Variants in CCL2 observed in about 807,000 individuals in gnomAD.
CCL2 encodes the protein C-C motif chemokine 2.
Under a neutral mutation model 6.7 loss-of-function variants are expected in CCL2, and 2 were observed. The ratio of observed to expected loss-of-function variants is 0.30; its 90% CI spans 0.12 to 0.94. The LOEUF is 0.94. CCL2 is among the 40% of genes least tolerant of loss of function. The probability of loss-of-function intolerance (pLI) is 0.54; values close to 1 mark genes in which losing one functional copy is unlikely to be tolerated. For missense variants in CCL2, 89 were observed against 119.3 expected, an observed-to-expected ratio of 0.75 and a Z score of 1.18; for synonymous variants, 43 against 45.2, an observed-to-expected ratio of 0.95 and a Z score of 0.19.
intron 2 of CCL2, 53 bp from the exon 3 acceptor site, chr17:34,256,669 C>T: frequency 7.5e-7 from 1 of 1,327,546 alleles, no homozygotes; most frequent in Non-Finnish European, 1.1e-6. Context: ...GGCTGCACTT[C>T]TAGACCAAAA....
chr17:34,257,048 T>C lies in CCL2; in HGVS notation c.*221T>C, dbSNP rs1007705149. The C allele has an allele frequency of 1.2e-5, 5 of 405,384 alleles. No individual in the cohort carries two copies. The highest frequency in any genetic ancestry group is 2.2e-5 in the Non-Finnish European group (5 of 224,334). The allele number at this position is 405,384 out of a possible 1,614,324, so 25.1% of individuals were successfully genotyped here. On this transcript the variant is annotated 3_prime_UTR_variant, in exon 3 of 3. Coordinates refer to ENST00000225831, the MANE Select transcript of CCL2 (RefSeq NM_002982.4). ...GACTTGGGGAAATTGCTTTTCCTCT[T>C]GAACCACAGTTCTACCCCTGGGATG... is the stretch of plus-strand genomic sequence containing the variant.
chr17:34,255,298 T>G lies in CCL2; in HGVS notation c.-52T>G, dbSNP rs779871993. The G allele has an allele frequency of 1.7e-5, 27 of 1,544,284 alleles. No individual in the cohort carries two copies. The highest frequency in any genetic ancestry group is 5.0e-5 in the Admixed American group (3 of 59,552). Reference sequence around the variant, plus strand: ...GCCAGAGGAACCGAGAGGCTGAGACTAACCCAGAAACATCCAATTCTCAAA... The same window carrying G: ...GCCAGAGGAACCGAGAGGCTGAGACGAACCCAGAAACATCCAATTCTCAAA... On this transcript the variant is annotated 5_prime_UTR_variant, in exon 1 of 3. Transcript: ENST00000225831.
At chr17:34,256,179 C>A in intron 1 of CCL2, 43 bp from the exon 2 acceptor site, 1 of 1,296,838 alleles carries the variant, frequency 7.7e-7, no homozygotes. Flanking sequence ...CAGAATAATC[C>A]AGTTCATCCT....
intron 1 of CCL2, chr17:34,255,888 T>C (rs868231838): frequency 7.1e-6 from 2 of 282,188 alleles, no homozygotes; most frequent in South Asian, 6.6e-5. Flanking sequence ...AGGAGGCTCA[T>C]AGTGGGGCTC....
intron 1 of CCL2, 140 bp downstream of exon 1, chr17:34,255,565 T>A: frequency 1.5e-6 from 1 of 672,100 alleles, no homozygotes; most frequent in East Asian, 2.9e-5. Flanking sequence ...GGACAAGGGG[T>A]GAGCCCAACC....
intron 2 of CCL2, 138 bp from the exon 3 acceptor site, chr17:34,256,584 G>A (rs965087353): frequency 2.0e-5 from 13 of 639,878 alleles, no homozygotes; most frequent in African/African-American, 1.8e-4. Context: ...ACCTATAGGA[G>A]CAGTTTGCCC....
At chr17:34,256,696 T>G (rs540196189) in intron 2 of CCL2, 26 bp from the exon 3 acceptor site, 2 of 1,537,448 alleles carry the variant, frequency 1.3e-6, no homozygotes, top group Non-Finnish European at 1.8e-6. Flanking sequence ...AGGAACTTCA[T>G]CTAACTCTGT....
At chr17:34,256,033 A>G in intron 1 of CCL2, 189 bp from the exon 2 acceptor site, 1 of 555,804 alleles carries the variant, frequency 1.8e-6, no homozygotes, top group Non-Finnish European at 3.2e-6. Context: ...TTTACAGCAT[A>G]GGAAACTGAG....
rs1203078816 is a variant in CCL2, at chr17:34,256,872, C to T, written c.*45C>T. ...AGAATCTGCAGCTAACTTATTTTCC[C>T]CTAGCTTTCCCCAGACACCCTGTTT... is the stretch of plus-strand genomic sequence containing the variant. On this transcript the variant is annotated 3_prime_UTR_variant, in exon 3 of 3. Transcript: ENST00000225831. The T allele has an allele frequency of 5.7e-6, 7 of 1,236,712 alleles. No homozygotes were observed. Among genetic ancestry groups the T allele is most frequent in the Non-Finnish European group, 8.3e-6 (7 of 844,078 alleles). The allele number at this position is 1,236,712 out of a possible 1,614,324, so 76.6% of individuals were successfully genotyped here.
intron 2 of CCL2, 156 bp downstream of exon 2, chr17:34,256,495 C>A: frequency 1.6e-6 from 1 of 638,140 alleles, no homozygotes; most frequent in Non-Finnish European, 2.8e-6. Context: ...AAGTGAACCC[C>A]AACATCACTC....
intron 2 of CCL2, 32 bp from the exon 3 acceptor site, chr17:34,256,690 A>G: frequency 6.7e-7 from 1 of 1,481,844 alleles, no homozygotes; most frequent in Non-Finnish European, 9.4e-7. Context: ...CTGCAAAGGA[A>G]CTTCATCTAA....
Position 34,256,291 on chromosome 17 carries a change from C to T in CCL2, c.146C>T (p.Ala49Val), listed in dbSNP as rs148937652. The T allele has an allele frequency of 7.6e-5, 122 of 1,613,932 alleles. No individual in the cohort carries two copies. In the East Asian group the frequency reaches 9.8e-4, roughly 13 times the overall value. Residue 49 changes from alanine to valine, a missense_variant, in exon 2 of 3, where the codon GCG becomes GTG. Physicochemically the swap from Ala to Val is moderately conservative, Grantham distance 64. Coordinates refer to ENST00000225831, the MANE Select transcript of CCL2 (RefSeq NM_002982.4). ...AGGAAGATCTCAGTGCAGAGGCTCG[C>T]GAGCTATAGAAGAATCACCAGCAGC... is the stretch of plus-strand genomic sequence containing the variant. ...TNRKISVQRL[A>V]SYRRITSSKC...
chr17:34,255,338 C>CT lies in CCL2; in HGVS notation c.-11dup, dbSNP rs771283629. On this transcript the variant is annotated 5_prime_UTR_variant, in exon 1 of 3. Transcript: ENST00000225831. ...CAATTCTCAAACTGAAGCTCGCACT[C>CT]TCGCCTCCAGCATGAAAGTCTCTGC... 7 of 1,613,482 alleles carry CT rather than the reference C, an allele frequency of 4.3e-6. No individual in the cohort carries two copies. The Admixed American group carries it at 1.2e-4, about 27-fold the overall frequency.
chr17:34,256,331 A>T lies in CCL2; in HGVS notation c.186A>T (p.Glu62Asp). 7.5e-6 allele frequency: 12 copies of T among 1,610,280 alleles called. No individual in the cohort carries two copies. Among genetic ancestry groups the T allele is most frequent in the South Asian group, 5.5e-5 (5 of 91,010 alleles). Residue 62 changes from glutamate to aspartate, a missense_variant, in exon 2 of 3, where the codon GAA becomes GAT. Transcript: ENST00000225831. ...RRITSSKCPKEAVIFKTIVAK... is the reference protein window; with the variant it reads ...RRITSSKCPKDAVIFKTIVAK... ...TCACCAGCAGCAAGTGTCCCAAAGA[A>T]GCTGTGATGTGAGTTCAGCACACCA...
At position 34,256,312 on chromosome 17, in the gene CCL2, G is replaced by A. The variant is rs1290687095; in HGVS notation, c.167G>A (p.Ser56Asn). ...QRLASYRRIT[S>N]SKCPKEAVIF... ...CTCGCGAGCTATAGAAGAATCACCA[G>A]CAGCAAGTGTCCCAAAGAAGCTGTG... is the stretch of plus-strand genomic sequence containing the variant. Residue 56 changes from serine to asparagine, a missense_variant, in exon 2 of 3, where the codon AGC becomes AAC. By Grantham distance (46) the Ser-to-Asn change is conservative (BLOSUM62 1). Transcript: ENST00000225831. 3 of 1,613,272 alleles carry A rather than the reference G, an allele frequency of 1.9e-6. No individual in the cohort carries two copies. In the African/African-American group the frequency reaches 4.0e-5, roughly 22 times the overall value.
chr17:34,256,498 C>T, intron 2 of CCL2, 159 bp downstream of exon 2: 1 of 635,116 alleles, frequency 1.6e-6, no homozygotes, highest in East Asian at 2.7e-5. Flanking sequence ...TGAACCCCAA[C>T]ATCACTCTCC....
chr17:34,255,289 G>T lies in CCL2; in HGVS notation c.-61G>T. ...GAGACAGCAGCCAGAGGAACCGAGA[G>T]GCTGAGACTAACCCAGAAACATCCA... On this transcript the variant is annotated 5_prime_UTR_variant, in exon 1 of 3. It adds an upstream start codon to the 5' untranslated region. Transcript: ENST00000225831. 1 of 1,471,432 alleles carries T rather than the reference G, an allele frequency of 6.8e-7. No homozygotes were observed. 91.1% of individuals were successfully genotyped at this position (1,471,432 alleles called of 1,614,324 possible).
At chr17:34,256,680 C>CTGCAA in intron 2 of CCL2, 42 bp from the exon 3 acceptor site, 1 of 1,423,380 alleles carries the variant, frequency 7.0e-7, no homozygotes, top group Non-Finnish European at 9.9e-7. Flanking sequence ...TAGACCAAAA[C>CTGCAA]TGCAAAGGAA....
In CCL2 at chr17:34,255,415, C is replaced by T. The variant is rs1490303113; in HGVS notation, c.66C>T (p.Leu22=). Residue 22 remains leucine, a synonymous_variant, in exon 1 of 3, where the codon CTC becomes CTT. Coordinates refer to ENST00000225831, the MANE Select transcript of CCL2 (RefSeq NM_002982.4). ...LIAATFIPQG[L]AQPDAINAPV... ...CAGCCACCTTCATTCCCCAAGGGCT[C>T]GCTCAGCCAGGTAAGGCCCCCTCTT... is the stretch of plus-strand genomic sequence containing the variant. 2 of 1,613,732 alleles carry T rather than the reference C, an allele frequency of 1.2e-6. No homozygotes were observed. The highest frequency in any genetic ancestry group is 2.2e-5 in the East Asian group (1 of 44,892).
Sources: gnomAD v4.1 joint callset for allele counts on GRCh38, gnomAD v4.1.1 for gene constraint, MANE v1.5 for transcripts, NCBI Gene and HGNC (gene_info 2026-07-23, HGNC 2026-07-21) for gene names.